Variants in ZMAT4 observed in about 807,000 individuals in gnomAD.
The protein encoded by ZMAT4 is zinc finger matrin-type 4, also known as zinc finger matrin-type protein 4.
A neutral mutation model predicts 28.7 loss-of-function variants in ZMAT4; 17 were observed. The ratio of observed to expected loss-of-function variants is 0.59; its 90% CI spans 0.41 to 0.89. The LOEUF (loss-of-function observed/expected upper bound fraction) is 0.89. Ranked by LOEUF, ZMAT4 falls within the 40% of genes least tolerant of loss-of-function variation. ZMAT4 has a pLI of 0.00. For missense variants in ZMAT4, 240 were observed against 283.8 expected (o/e 0.85, Z 1.11); for synonymous variants, 117 against 109.2 (o/e 1.07, Z -0.44).
intron 2 of ZMAT4, among the ~76,000 whole-genome samples, chr8:40,817,183 G>A (rs1000234358): frequency 6.6e-6 from 1 of 152,120 alleles, no homozygotes; most frequent in Non-Finnish European, 1.5e-5. Flanking sequence ...CTGATACATG[G>A]AACTTTCTAA....
intron 4 of ZMAT4, among the ~76,000 whole-genome samples, chr8:40,696,380 T>C (rs1036208010): frequency 4.6e-5 from 7 of 152,212 alleles, no homozygotes; most frequent in African/African-American, 1.7e-4. Flanking sequence ...AGTTTATGCA[T>C]GATTCATTAG....
At chr8:40,711,407 T>C (rs983724719) in intron 3 of ZMAT4, among the ~76,000 whole-genome samples, 13 of 152,156 alleles carry the variant, frequency 8.5e-5, no homozygotes, top group Non-Finnish European at 1.8e-4. Flanking sequence ...TCAGATATCA[T>C]CTGCCTCTTA....
At chr8:40,767,833 T>C in intron 2 of ZMAT4, 103 bp from the exon 3 acceptor site, 1 of 883,898 alleles carries the variant, frequency 1.1e-6, no homozygotes, top group South Asian at 1.8e-5. Context: ...GTATTTTCAG[T>C]AGAAGACACT....
At chr8:40,609,227 G>C (rs867857561) in intron 5 of ZMAT4, among the ~76,000 whole-genome samples, 1 of 152,118 alleles carries the variant, frequency 6.6e-6, no homozygotes, top group South Asian at 2.1e-4. Flanking sequence ...AAATTTTATC[G>C]TCAGATTCAA....
At chr8:40,577,851 C>T (rs1239156648) in intron 6 of ZMAT4, among the ~76,000 whole-genome samples, 1 of 150,612 alleles carries the variant, frequency 6.6e-6, no homozygotes, top group Non-Finnish European at 1.5e-5. Context: ...TTCTAGTATC[C>T]CAAAACAATA....
At chr8:40,658,196 A>C (rs146746937) in intron 5 of ZMAT4, among the ~76,000 whole-genome samples, 1 of 152,212 alleles carries the variant, frequency 6.6e-6, no homozygotes, top group East Asian at 1.9e-4. Flanking sequence ...TATAATAGCT[A>C]CTTTTAAATC....
chr8:40,621,661 GCT>G (rs1806203143), intron 5 of ZMAT4, among the ~76,000 whole-genome samples: 2 of 152,220 alleles, frequency 1.3e-5, no homozygotes, highest in African/African-American at 4.8e-5. Context: ...CCTTGGGCAT[GCT>G]TAGTATCACA....
At chr8:40,788,221 G>T (rs938479945) in intron 2 of ZMAT4, among the ~76,000 whole-genome samples, 1 of 152,080 alleles carries the variant, frequency 6.6e-6, no homozygotes, top group Admixed American at 6.5e-5. Flanking sequence ...TATTATAAAT[G>T]ACTCTGCCAA....
At chr8:40,580,959 A>G (rs1366860876) in intron 6 of ZMAT4, among the ~76,000 whole-genome samples, 2 of 152,186 alleles carry the variant, frequency 1.3e-5, no homozygotes, top group Admixed American at 1.3e-4. Flanking sequence ...CCTTGAAAAA[A>G]TGAAAAAAAG....
chr8:40,657,011 A>T (rs911782323), intron 5 of ZMAT4, among the ~76,000 whole-genome samples: 1 of 152,156 alleles, frequency 6.6e-6, no homozygotes, highest in Non-Finnish European at 1.5e-5. Context: ...TGTGTGAATT[A>T]TGTCTCAGTA....
At chr8:40,588,834 A>G (rs1184556799) in intron 5 of ZMAT4, among the ~76,000 whole-genome samples, 6 of 152,196 alleles carry the variant, frequency 3.9e-5, no homozygotes. Flanking sequence ...AGATTTTTAC[A>G]AGAATGTTTC....
At chr8:40,715,157 A>G (rs1810795200) in intron 3 of ZMAT4, among the ~76,000 whole-genome samples, 1 of 152,002 alleles carries the variant, frequency 6.6e-6, no homozygotes, top group African/African-American at 2.4e-5. Context: ...GGGGAACAGC[A>G]TTCGAAGTAG....
At chr8:40,827,753 G>C (rs918620626) in intron 1 of ZMAT4, among the ~76,000 whole-genome samples, 2 of 152,200 alleles carry the variant, frequency 1.3e-5, no homozygotes, top group Non-Finnish European at 2.9e-5. Flanking sequence ...GGCCCAATTG[G>C]CCTGGAGTCT....
intron 5 of ZMAT4, among the ~76,000 whole-genome samples, chr8:40,595,407 A>G (rs1278202175): frequency 2.0e-5 from 3 of 152,200 alleles, no homozygotes; most frequent in Non-Finnish European, 4.4e-5. Context: ...ACACAGTGAT[A>G]TGTTGCTTTA....
intron 5 of ZMAT4, among the ~76,000 whole-genome samples, chr8:40,588,566 C>T (rs1804747526): frequency 6.6e-6 from 1 of 151,946 alleles, no homozygotes; most frequent in Non-Finnish European, 1.5e-5. Context: ...ATTAAAAGAA[C>T]AATTAAATAC....
rs548702877 is a variant in ZMAT4 at position 40,581,408 on chromosome 8, C to G, written c.578-147G>C. 187 of 570,278 alleles carry G rather than the reference C, an allele frequency of 3.3e-4. 1 individual carries two copies. Among genetic ancestry groups the G allele is most frequent in the Non-Finnish European group, 9.2e-5 (29 of 316,218 alleles). The allele number at this position is 570,278 out of a possible 1,614,324, so 35.3% of individuals were successfully genotyped here. On this transcript the variant is annotated intron_variant, in intron 5 of 6. Coordinates refer to ENST00000297737, the MANE Select transcript of ZMAT4 (RefSeq NM_024645.3). ...CACTTCAACCCTTCCTTGCAGAGCA[C>G]AGCCAACAGGTCTCTTAGCAGAAGT...
rs112128168 is a variant in ZMAT4, at chr8:40,620,101, G to A, written c.578-38840C>T. On this transcript the variant is annotated intron_variant, in intron 5 of 6. Transcript: ENST00000297737. ...TAAATCTAGATTTTTCTCACTAGCC[G>A]TGTAGGGTTCTCAGAGATCCTGAAA... Among the ~76,000 whole-genome samples, 164 of 152,284 alleles carry A rather than the reference G, an allele frequency of 1.1e-3. 1 individual carries two copies. Among genetic ancestry groups the A allele is most frequent in the African/African-American group, 3.8e-3 (156 of 41,570 alleles).
At chr8:40,834,363 C>T (rs1336407340) in intron 1 of ZMAT4, among the ~76,000 whole-genome samples, 2 of 152,206 alleles carry the variant, frequency 1.3e-5, no homozygotes, top group East Asian at 3.9e-4. Context: ...ATTGTAGACT[C>T]CAGGGGGCAT....
At chr8:40,617,648 T>C (rs1176466614) in intron 5 of ZMAT4, among the ~76,000 whole-genome samples, 1 of 152,216 alleles carries the variant, frequency 6.6e-6, no homozygotes, top group Non-Finnish European at 1.5e-5. Context: ...ATGCCCTCTT[T>C]GGTTACAATG....
Sources: allele counts gnomAD v4.1 joint callset (sites outside exome capture counted in the v4.1 genomes callset), GRCh38; gene constraint gnomAD v4.1.1; transcripts MANE v1.5; gene names NCBI Gene and HGNC (gene_info 2026-07-23, HGNC 2026-07-21).